The following CRYAB variants were observed in gnomAD, a reference collection of about 807,000 sequenced individuals.
CRYAB encodes crystallin alpha B.
CRYAB carries 9 observed loss-of-function variants against 12.7 expected under a neutral mutation model. The observed-to-expected ratio is 0.71, with a 90% CI of 0.43 to 1.24. CRYAB has a LOEUF of 1.24. Among genes scored for constraint, CRYAB ranks in the 50% most tolerant of loss-of-function variants. CRYAB has a pLI of 0.00. For synonymous variants in CRYAB, 93 were observed against 86.8 expected, an observed-to-expected ratio of 1.07 and a Z score of -0.40; for missense variants, 183 against 226.6, an observed-to-expected ratio of 0.81 and a Z score of 1.24.
chr11:111,920,178 G>A (rs1555166401), intron 1 of CRYAB, among the ~76,000 whole-genome samples: 2 of 151,986 alleles, frequency 1.3e-5, no homozygotes, highest in Non-Finnish European at 1.5e-5. Flanking sequence ...CTGGGTGACA[G>A]AGCAAGACTC....
chr11:111,911,321 A>T lies in CRYAB; in HGVS notation c.201+203T>A, dbSNP rs547984265. On this transcript the variant is annotated intron_variant, in intron 1 of 2. Transcript: ENST00000650687. ...GGATAAACTTGACAGTGCATGAAAA[A>T]ATGTAATAAATGGGATACAGAGGAC... Among the ~76,000 whole-genome samples, 31 of 152,304 alleles carry T rather than the reference A, an allele frequency of 2.0e-4. No homozygotes were observed. In the South Asian group the frequency reaches 6.4e-3, roughly 32 times the overall value.
At position 111,911,553 on chromosome 11, in the gene CRYAB, G is replaced by A. The variant is rs782423443; in HGVS notation, c.172C>T (p.Pro58Ser). The change falls in exon 1 of 3, where the codon CCC (proline) becomes TCC (serine). Residue 58 changes from proline to serine, a missense_variant. Physicochemically the swap from Pro to Ser is moderately conservative, Grantham distance 74. This residue lies in a region of CRYAB where 86 missense variants were observed against 96.1 expected (regional missense o/e 0.89). Transcript: ENST00000650687. Reference protein sequence around the residue: ...YLRPPSFLRAPSWFDTGLSEM... With the variant: ...YLRPPSFLRASSWFDTGLSEM... ...GAGAGTCCAGTGTCAAACCAGCTGG[G>A]TGCCCGCAGGAAGGAGGGTGGCCGA... is the stretch of plus-strand genomic sequence containing the variant. 9 of 1,612,550 alleles carry A rather than the reference G, an allele frequency of 5.6e-6. No individual in the cohort carries two copies. Among genetic ancestry groups the A allele is most frequent in the Non-Finnish European group, 7.6e-6 (9 of 1,179,618 alleles).
At chr11:111,913,996 A>C (rs1555165945), upstream of CRYAB, 4 of 1,025,762 alleles carry the variant, frequency 3.9e-6, no homozygotes, top group Non-Finnish European at 5.6e-6. Context: ...GGGGGAAGGG[A>C]AAGGTGCATG....
At chr11:111,917,756 G>C (rs117213241), upstream of CRYAB, among the ~76,000 whole-genome samples, 1,043 of 151,932 alleles carry the variant, frequency 6.9e-3, 5 homozygotes, top group Middle Eastern at 0.051. Context: ...TGAGGGGGGA[G>C]AATCTTTTGA....
chr11:111,909,107 T>C (rs1555165285), intron 2 of CRYAB, 140 bp from the exon 3 acceptor site: 1 of 850,308 alleles, frequency 1.2e-6, no homozygotes. Context: ...AGAGCTTCGT[T>C]TCAGGGTTGC....
At chr11:111,917,360 A>T (rs904704373), upstream of CRYAB, among the ~76,000 whole-genome samples, 7 of 152,208 alleles carry the variant, frequency 4.6e-5, no homozygotes, top group Admixed American at 6.5e-5. Context: ...ATGGTAGAGT[A>T]GAGTACAGAA....
At chr11:111,913,724 T>C, upstream of CRYAB, 2 of 1,614,138 alleles carry the variant, frequency 1.2e-6, no homozygotes, top group Admixed American at 1.7e-5. Flanking sequence ...TGCCTGCTGA[T>C]GTCGACCCCT....
chr11:111,913,812 G>C, upstream of CRYAB: 1 of 1,614,160 alleles, frequency 6.2e-7, no homozygotes, highest in Non-Finnish European at 8.5e-7. Context: ...TTTGGACACA[G>C]AGGTCAATGA....
At chr11:111,913,457 G>T, upstream of CRYAB, 1 of 1,609,532 alleles carries the variant, frequency 6.2e-7, no homozygotes, top group Non-Finnish European at 8.5e-7. Context: ...TGCCAGAAGA[G>T]ATCCTGACCC....
upstream of CRYAB, among the ~76,000 whole-genome samples, chr11:111,917,353 G>C (rs1043263504): frequency 1.4e-4 from 22 of 152,262 alleles, no homozygotes; most frequent in South Asian, 2.1e-4. Context: ...ACAGTTAATG[G>C]TAGAGTAGAG....
At chr11:111,912,675 A>AAC, upstream of CRYAB, 1 of 379,184 alleles carries the variant, frequency 2.6e-6, no homozygotes. Flanking sequence ...CCCCACTCCC[A>AAC]GCCCCTCCCC....
At chr11:111,923,188 CAT>C (rs1965728168) in intron 1 of CRYAB, among the ~76,000 whole-genome samples, 1 of 152,174 alleles carries the variant, frequency 6.6e-6, no homozygotes, top group African/African-American at 2.4e-5. Flanking sequence ...GCAGCAGTAA[CAT>C]AAAGCAAGAG....
intron 1 of CRYAB, among the ~76,000 whole-genome samples, chr11:111,920,055 C>A (rs781795382): frequency 6.6e-6 from 1 of 151,820 alleles, no homozygotes; most frequent in Non-Finnish European, 1.5e-5. Context: ...ATTAGCCGGG[C>A]GTGGTGGTGG....
intron 1 of CRYAB, 91 bp from the exon 2 acceptor site, chr11:111,910,540 C>G (rs1965420775): frequency 1.3e-6 from 2 of 1,482,206 alleles, no homozygotes; most frequent in Non-Finnish European, 1.9e-6. Context: ...GAGCTGCTTT[C>G]TGTCCGGGTA....
chr11:111,918,956 C>T (rs781980687), intron 1 of CRYAB: 1 of 1,614,150 alleles, frequency 6.2e-7, no homozygotes, highest in South Asian at 1.1e-5. Flanking sequence ...GCTGGGCTCC[C>T]TTGGAGACAG....
chr11:111,908,689 G>T lies in CRYAB; in HGVS notation c.*75C>A. 1 of 1,436,924 alleles carries T rather than the reference G, an allele frequency of 7.0e-7. No homozygotes were observed. Among genetic ancestry groups the T allele is most frequent in the Non-Finnish European group, 9.8e-7 (1 of 1,022,270 alleles). 89.0% of individuals were successfully genotyped at this position (1,436,924 alleles called of 1,614,324 possible). ...CTGCCCTTAGCATTAATAAGCTTCA[G>T]CACTAGTCACAAGACTTTCATTCAC... On this transcript the variant is annotated 3_prime_UTR_variant, in exon 3 of 3. Coordinates refer to ENST00000650687, the MANE Select transcript of CRYAB (RefSeq NM_001289808.2).
At chr11:111,910,099 A>C in intron 2 of CRYAB, 1 of 680,760 alleles carries the variant, frequency 1.5e-6, no homozygotes, top group Non-Finnish European at 2.7e-6. Context: ...GCATCCCATC[A>C]TCCCATCTAA....
chr11:111,909,142 G>T (rs1555165293), intron 2 of CRYAB, 175 bp from the exon 3 acceptor site: 2 of 700,030 alleles, frequency 2.9e-6, no homozygotes, highest in South Asian at 1.5e-5. Context: ...TGCCTAGGTA[G>T]TCACTCCTAC....
At chr11:111,923,626 A>T (rs781903204) in intron 1 of CRYAB, 1 of 152,232 alleles carries the variant, frequency 6.6e-6, no homozygotes, top group Non-Finnish European at 1.5e-5. Flanking sequence ...CACGGGCGCC[A>T]TTGGGGACCC....
Sources: gnomAD v4.1 joint callset for allele counts (sites outside exome capture counted in the v4.1 genomes callset) on GRCh38, gnomAD v4.1.1 for gene constraint, gnomAD v4.1.1 regional missense constraint, MANE v1.5 for transcripts, NCBI Gene and HGNC (gene_info 2026-07-23, HGNC 2026-07-21) for gene names.